The following PDE4D variants were observed in gnomAD, a reference collection of about 807,000 sequenced individuals.
The protein encoded by PDE4D is 3',5'-cyclic-AMP phosphodiesterase 4D.
A neutral mutation model predicts 87.4 loss-of-function variants in PDE4D; 24 were observed. That is an observed-to-expected ratio of 0.27 (90% CI 0.20 to 0.39). PDE4D has a LOEUF of 0.39. Among genes scored for constraint, PDE4D ranks in the 10% least tolerant of loss-of-function variants. The probability of loss-of-function intolerance (pLI) is 1.00; values close to 1 mark genes in which losing one functional copy is unlikely to be tolerated. For missense variants in PDE4D, 714 were observed against 1,041.0 expected (o/e 0.69, Z 4.32); for synonymous variants, 384 against 383.2 (o/e 1.00, Z -0.02).
rs1561662951 is a variant in PDE4D, at chr5:59,189,232, G to GTTTTTTTTTTGT, written c.685-3971_685-3970insACAAAAAAAAAA. On this transcript the variant is annotated intron_variant, in intron 3 of 14. Transcript: ENST00000340635. ...AAAGAGATGTAGTTGTTCCTACCCCGTTTTTTTTTTTGTTTTTTTTGTTTT... is the reference window on the plus strand; with the variant it reads ...AAAGAGATGTAGTTGTTCCTACCCCGTTTTTTTTTTGTTTTTTTTTTTTGTTTTTTTTGTTTT... Among the ~76,000 whole-genome samples the GTTTTTTTTTTGT allele has an allele frequency of 4.9e-3, 493 of 99,832 alleles. 22 individuals carry two copies. Among genetic ancestry groups the GTTTTTTTTTTGT allele is most frequent in the Non-Finnish European group, 7.0e-3 (330 of 47,142 alleles). The allele number at this position is 99,832 out of a possible 152,430, so 65.5% of individuals were successfully genotyped here.
chr5:59,941,118 A>G (rs1300153608), intron 3 of PDE4D, among the ~76,000 whole-genome samples: 2 of 152,170 alleles, frequency 1.3e-5, no homozygotes, highest in African/African-American at 2.4e-5. Context: ...GATTATTTTA[A>G]TAAGTATATT....
At chr5:59,428,252 T>C (rs563125018) in intron 1 of PDE4D, among the ~76,000 whole-genome samples, 130 of 152,338 alleles carry the variant, frequency 8.5e-4, no homozygotes, top group African/African-American at 3.0e-3. Flanking sequence ...GAGCTATGTT[T>C]TGCACTTATG....
chr5:59,999,828 C>A (rs1394027786), intron 2 of PDE4D, among the ~76,000 whole-genome samples: 1 of 151,710 alleles, frequency 6.6e-6, no homozygotes, highest in Non-Finnish European at 1.5e-5. Flanking sequence ...AGAGCACAGA[C>A]AGAAAACTAA....
intron 3 of PDE4D, among the ~76,000 whole-genome samples, chr5:59,923,135 G>A (rs1432137441): frequency 1.3e-5 from 2 of 152,154 alleles, no homozygotes; most frequent in Non-Finnish European, 2.9e-5. Flanking sequence ...TTAGAAAAGG[G>A]AGGGAAGAAC....
intron 1 of PDE4D, among the ~76,000 whole-genome samples, chr5:60,212,667 G>A (rs1743380201): frequency 6.6e-6 from 1 of 152,168 alleles, no homozygotes; most frequent in African/African-American, 2.4e-5. Context: ...GGTTTAACCC[G>A]ATTGCACCAC....
rs116553509 is a variant in PDE4D, at chr5:60,197,228, T to C, written c.-89-11541A>G. On this transcript the variant is annotated intron_variant, in intron 1 of 16. Transcript: ENST00000502484. ...ATGTTATAGATCCTGCATTATATTA[T>C]GTATAGCTTTCTCAATCTGAGCTAT... 1.8e-3 allele frequency among the ~76,000 whole-genome samples: 280 copies of C among 151,656 alleles called. 2 individuals are homozygous for C. The highest frequency in any genetic ancestry group is 6.5e-3 in the African/African-American group (269 of 41,494).
chr5:59,723,759 T>C (rs962407863), intron 1 of PDE4D, among the ~76,000 whole-genome samples: 15 of 152,104 alleles, frequency 9.9e-5, no homozygotes, highest in Admixed American at 1.3e-4. Context: ...ACGTAAGGAG[T>C]TGTCCAAACT....
intron 2 of PDE4D, among the ~76,000 whole-genome samples, chr5:60,029,368 C>T (rs182089071): frequency 2.6e-5 from 4 of 152,214 alleles, no homozygotes; most frequent in African/African-American, 7.2e-5. Context: ...TTTAAAAAGG[C>T]TAATCAGAAA....
At chr5:60,012,548 G>C (rs1467616016) in intron 2 of PDE4D, among the ~76,000 whole-genome samples, 1 of 152,082 alleles carries the variant, frequency 6.6e-6, no homozygotes, top group African/African-American at 2.4e-5. Context: ...CGGCAATTCC[G>C]ATTTCCCTCT....
intron 1 of PDE4D, among the ~76,000 whole-genome samples, chr5:60,456,933 G>T (rs1331549516): frequency 6.6e-6 from 1 of 151,912 alleles, no homozygotes; most frequent in Non-Finnish European, 1.5e-5. Context: ...GCTTTAATCT[G>T]GTCACGGTCA....
chr5:59,590,336 A>T (rs555028197), intron 1 of PDE4D, among the ~76,000 whole-genome samples: 6 of 152,308 alleles, frequency 3.9e-5, no homozygotes, highest in Middle Eastern at 3.4e-3. Flanking sequence ...GGGTAATGCT[A>T]ATCTATTTTG....
At chr5:59,604,854 A>G (rs889927500) in intron 1 of PDE4D, among the ~76,000 whole-genome samples, 25 of 152,040 alleles carry the variant, frequency 1.6e-4, no homozygotes, top group African/African-American at 6.0e-4. Context: ...CAATTTAGCA[A>G]ATTTTTAAAA....
intron 1 of PDE4D, among the ~76,000 whole-genome samples, chr5:59,386,436 A>G (rs1382352453): frequency 6.6e-6 from 1 of 152,080 alleles, no homozygotes; most frequent in African/African-American, 2.4e-5. Flanking sequence ...GAATGTGACT[A>G]TTCTAGAAGG....
intron 1 of PDE4D, among the ~76,000 whole-genome samples, chr5:59,740,696 A>G (rs1758710739): frequency 6.6e-6 from 1 of 152,172 alleles, no homozygotes; most frequent in Admixed American, 6.6e-5. Context: ...CAATCTTAGG[A>G]ATTATTCAGG....
chr5:59,999,542 C>CAAAAAAAAAAAAAAAAAAAAA lies in PDE4D; in HGVS notation c.43-10826_43-10825insTTTTTTTTTTTTTTTTTTTTT, dbSNP rs1561963189. Reference sequence around the variant, plus strand: ...ATCCCGTGGTAAAAAAAAAAAAAAACAAAACAAAACTGGAGAGGCTCCCAA... The same window carrying CAAAAAAAAAAAAAAAAAAAAA: ...ATCCCGTGGTAAAAAAAAAAAAAAACAAAAAAAAAAAAAAAAAAAAAAAAACAAAACTGGAGAGGCTCCCAA... On this transcript the variant is annotated intron_variant, in intron 2 of 16. Transcript: ENST00000502484. Among the ~76,000 whole-genome samples, 2 of 88,354 alleles carry CAAAAAAAAAAAAAAAAAAAAA rather than the reference C, an allele frequency of 2.3e-5. 1 individual carries two copies. 58.0% of individuals were successfully genotyped at this position (88,354 alleles called of 152,430 possible). A position where few individuals can be genotyped will look rare whatever the true frequency, so the allele number is the denominator to read the frequency against.
intron 6 of PDE4D, among the ~76,000 whole-genome samples, chr5:59,009,612 G>T (rs936522305): frequency 2.6e-5 from 4 of 151,950 alleles, no homozygotes; most frequent in Non-Finnish European, 5.9e-5. Flanking sequence ...TAAAAAGCAA[G>T]AGAAAACTTT....
intron 1 of PDE4D, among the ~76,000 whole-genome samples, chr5:60,392,267 C>T (rs1459039080): frequency 6.6e-6 from 1 of 152,196 alleles, no homozygotes; most frequent in East Asian, 1.9e-4. Context: ...AAATTACAAA[C>T]TGAAATTGGC....
chr5:60,472,774 C>T (rs1343399589), intron 1 of PDE4D, among the ~76,000 whole-genome samples: 2 of 152,036 alleles, frequency 1.3e-5, no homozygotes, highest in Non-Finnish European at 2.9e-5. Context: ...TGGTAGAAAC[C>T]ATATTTTGGA....
At chr5:60,348,296 C>T (rs2149916845) in intron 1 of PDE4D, among the ~76,000 whole-genome samples, 1 of 152,108 alleles carries the variant, frequency 6.6e-6, no homozygotes, top group Middle Eastern at 3.4e-3. Flanking sequence ...CATTGTTTCT[C>T]CTCACAACTT....
Sources: gnomAD v4.1 joint callset for allele counts (sites outside exome capture counted in the v4.1 genomes callset) on GRCh38, gnomAD v4.1.1 for gene constraint, MANE v1.5 for transcripts, NCBI Gene and HGNC (gene_info 2026-07-23, HGNC 2026-07-21) for gene names.